Variants in PLCB4 observed in about 807,000 individuals in gnomAD.
PLCB4 encodes phospholipase C beta 4, also known as 1-phosphatidylinositol 4,5-bisphosphate phosphodiesterase beta-4.
PLCB4 carries 77 observed loss-of-function variants against 178.8 expected under a neutral mutation model. The observed-to-expected ratio is 0.43, with a 90% confidence interval of 0.36 to 0.52. PLCB4 has a LOEUF of 0.52. Ranked by LOEUF, PLCB4 falls within the 20% of genes least tolerant of loss-of-function variation. The pLI is 0.00. For synonymous variants in PLCB4, 496 were observed against 490.8 expected, an observed-to-expected ratio of 1.01 and a Z score of -0.14; for missense variants, 1,024 against 1,453.4, an observed-to-expected ratio of 0.70 and a Z score of 4.80.
At chr20:9,069,299 C>A (rs905284708) in intron 1 of PLCB4, 93 bp downstream of exon 1, 29 of 152,190 alleles carry the variant, frequency 1.9e-4, no homozygotes, top group African/African-American at 6.7e-4. Flanking sequence ...GTCCCGGACG[C>A]GCGCGCGCGC....
At chr20:9,293,091 G>A (rs532514383) in intron 3 of PLCB4, among the ~76,000 whole-genome samples, 3 of 149,684 alleles carry the variant, frequency 2.0e-5, no homozygotes, top group Non-Finnish European at 4.4e-5. Context: ...AAGAAAGAAA[G>A]AAAAAGAGAG....
Position 9,331,580 on chromosome 20 carries a change from A to G in PLCB4, c.85-5546A>G, listed in dbSNP as rs6039441. 6.8e-3 allele frequency among the ~76,000 whole-genome samples: 1,032 copies of G among 152,224 alleles called. 11 individuals carry two copies. Among genetic ancestry groups the G allele is most frequent in the African/African-American group, 0.023 (940 of 41,554 alleles). Reference sequence around the variant, plus strand: ...TCAATCAGAGTATTTGGCCTGCTGAACTCTCTGACATTCCTTATGAGGGGA... The same window carrying G: ...TCAATCAGAGTATTTGGCCTGCTGAGCTCTCTGACATTCCTTATGAGGGGA... On this transcript the variant is annotated intron_variant, in intron 4 of 39. Coordinates refer to ENST00000378473, the MANE Select transcript of PLCB4 (RefSeq NM_001377142.1).
chr20:9,295,379 A>G (rs2094622060), intron 3 of PLCB4, among the ~76,000 whole-genome samples: 2 of 152,118 alleles, frequency 1.3e-5, no homozygotes, highest in South Asian at 4.1e-4. Context: ...TGAGAGAGGG[A>G]AAAAACTGCT....
intron 2 of PLCB4, among the ~76,000 whole-genome samples, chr20:9,202,775 T>A (rs575391179): frequency 1.4e-4 from 22 of 152,072 alleles, no homozygotes; most frequent in African/African-American, 4.8e-4. Flanking sequence ...TAGAAATGAA[T>A]AGGAAACAGA....
Position 9,199,115 on chromosome 20 carries a change from A to G in PLCB4, c.-78-18275A>G, listed in dbSNP as rs2093509227. Among the ~76,000 whole-genome samples the G allele has an allele frequency of 1.3e-5, 2 of 152,154 alleles. 1 individual carries two copies. Among genetic ancestry groups the G allele is most frequent in the Admixed American group, 1.3e-4 (2 of 15,266 alleles). On this transcript the variant is annotated intron_variant, in intron 2 of 39. Transcript: ENST00000378473. ...GGGGACTCTATTAGTAAGTGTTAATAAATGTTGAAGTACTTTTAAAAGAAA... is the reference window on the plus strand; with the variant it reads ...GGGGACTCTATTAGTAAGTGTTAATGAATGTTGAAGTACTTTTAAAAGAAA...
intron 7 of PLCB4, among the ~76,000 whole-genome samples, chr20:9,351,204 T>C (rs917602595): frequency 2.0e-5 from 3 of 152,108 alleles, no homozygotes; most frequent in Admixed American, 1.3e-4. Context: ...TTACTCTTTT[T>C]TTTTAAGTTT....
chr20:9,437,143 G>A lies in PLCB4; in HGVS notation c.2755G>A (p.Ala919Thr), dbSNP rs766927069. ...TTAALASGVE[A>T]KKGIELIPQV... ...GGCTGCCCTGGCCTCTGGTGTGGAA[G>A]CCAAGAAAGGTGAGAGAGAGCCGTT... is the stretch of plus-strand genomic sequence containing the variant. Residue 919 changes from alanine (A) to threonine (T), a missense_variant, in exon 30 of 40, where the codon GCC becomes ACC. Transcript: ENST00000378473. 4 of 1,613,692 alleles carry A rather than the reference G, an allele frequency of 2.5e-6. No homozygotes were observed. In the South Asian group the frequency reaches 3.3e-5, roughly 13 times the overall value.
intron 3 of PLCB4, among the ~76,000 whole-genome samples, chr20:9,296,915 A>G (rs1266617259): frequency 2.6e-5 from 4 of 152,006 alleles, no homozygotes; most frequent in African/African-American, 9.7e-5. Flanking sequence ...GTTAAATGAC[A>G]AGTTGATGGG....
At chr20:9,269,424 AAT>A (rs925791488) in intron 3 of PLCB4, among the ~76,000 whole-genome samples, 26 of 152,126 alleles carry the variant, frequency 1.7e-4, no homozygotes, top group African/African-American at 4.8e-4. Context: ...TGCTAGGGTT[AAT>A]ACTACTGGCA....
intron 29 of PLCB4, 62 bp from the exon 30 acceptor site, chr20:9,436,940 T>G: frequency 1.4e-6 from 2 of 1,473,282 alleles, no homozygotes; most frequent in Non-Finnish European, 9.4e-7. Flanking sequence ...AAATAAAGAA[T>G]GTACAAGATA....
chr20:9,226,296 C>T (rs1239712330), intron 3 of PLCB4, among the ~76,000 whole-genome samples: 2 of 152,044 alleles, frequency 1.3e-5, no homozygotes, highest in Non-Finnish European at 2.9e-5. Flanking sequence ...AATAATAAAG[C>T]GGTCTAGAAT....
intron 5 of PLCB4, among the ~76,000 whole-genome samples, chr20:9,337,715 AT>A (rs1470278570): frequency 6.6e-6 from 1 of 152,188 alleles, no homozygotes; most frequent in Non-Finnish European, 1.5e-5. Flanking sequence ...TTTAATGATT[AT>A]TAACAATGTT....
chr20:9,246,178 G>C (rs1428448224), intron 3 of PLCB4, among the ~76,000 whole-genome samples: 1 of 151,980 alleles, frequency 6.6e-6, no homozygotes, highest in Non-Finnish European at 1.5e-5. Flanking sequence ...ACTATATACT[G>C]AGTTGATCTA....
At chr20:9,274,938 A>G (rs548510771) in intron 3 of PLCB4, among the ~76,000 whole-genome samples, 14 of 152,208 alleles carry the variant, frequency 9.2e-5, no homozygotes, top group Non-Finnish European at 1.6e-4. Flanking sequence ...TAAGAAAAAT[A>G]TAACCATGCT....
At chr20:9,274,074 G>T (rs932608099) in intron 3 of PLCB4, among the ~76,000 whole-genome samples, 8 of 152,010 alleles carry the variant, frequency 5.3e-5, no homozygotes, top group African/African-American at 1.9e-4. Flanking sequence ...CTGGATAGGA[G>T]AGAAGAATTA....
intron 2 of PLCB4, among the ~76,000 whole-genome samples, chr20:9,142,414 A>T (rs1346876113): frequency 6.6e-6 from 1 of 152,166 alleles, no homozygotes. Flanking sequence ...ATAGCTTATA[A>T]GCAATGTTAA....
At chr20:9,369,011 C>T (rs113673260) in intron 9 of PLCB4, among the ~76,000 whole-genome samples, 62 of 152,288 alleles carry the variant, frequency 4.1e-4, no homozygotes, top group African/African-American at 1.4e-3. Flanking sequence ...TGAAACACAG[C>T]CACGATATTA....
chr20:9,476,674 T>A, intron 38 of PLCB4, 43 bp from the exon 39 acceptor site: 1 of 1,376,134 alleles, frequency 7.3e-7, no homozygotes. Context: ...CTTCGTTTTG[T>A]ATGTATGACT....
intron 30 of PLCB4, among the ~76,000 whole-genome samples, chr20:9,443,748 A>G (rs1022397304): frequency 1.1e-4 from 16 of 152,052 alleles, no homozygotes; most frequent in African/African-American, 3.9e-4. Flanking sequence ...TCACTTGCAC[A>G]TGAATCCCCT....
Sources: gnomAD v4.1 joint callset for allele counts (sites outside exome capture counted in the v4.1 genomes callset) on GRCh38, gnomAD v4.1.1 for gene constraint, MANE v1.5 for transcripts, NCBI Gene and HGNC (gene_info 2026-07-23, HGNC 2026-07-21) for gene names.